The following FBF1 variants were observed in gnomAD, a reference collection of about 807,000 sequenced individuals.
The protein encoded by FBF1 is fas-binding factor 1.
FBF1 carries 119 observed loss-of-function variants against 147.2 expected under a neutral mutation model. That is an observed-to-expected ratio of 0.81 (90% CI 0.70 to 0.94). The LOEUF is 0.94. Ranked by LOEUF, FBF1 falls within the 40% of genes least tolerant of loss-of-function variation. The probability of loss-of-function intolerance (pLI) is 0.00; values close to 1 mark genes in which losing one functional copy is unlikely to be tolerated. For missense variants in FBF1, 1,449 were observed against 1,500.8 expected, an observed-to-expected ratio of 0.97 and a Z score of 0.57; for synonymous variants, 601 against 609.0, an observed-to-expected ratio of 0.99 and a Z score of 0.19.
intron 2 of FBF1, 109 bp from the exon 3 acceptor site, chr17:75,937,702 G>T (rs1000678859): frequency 5.4e-5 from 58 of 1,079,858 alleles, no homozygotes; most frequent in Non-Finnish European, 7.9e-5. Context: ...CCAGAGGCAA[G>T]AGCACCAATG....
Position 75,923,746 on chromosome 17 carries a change from C to T in FBF1, c.969-105G>A, listed in dbSNP as rs2065543837. 2.6e-6 allele frequency: 3 copies of T among 1,164,262 alleles called. No individual in the cohort carries two copies. The highest frequency in any genetic ancestry group is 3.6e-6 in the Non-Finnish European group (3 of 844,628). The allele number at this position is 1,164,262 out of a possible 1,614,324, so 72.1% of individuals were successfully genotyped here. A position where few individuals can be genotyped will look rare whatever the true frequency, so the allele number is the denominator to read the frequency against. On this transcript the variant is annotated intron_variant, in intron 13 of 29. Transcript: ENST00000636174. This position sits in a 1 kb window ranked among gnomAD's most constrained non-coding sequence, Gnocchi z 4.1. Reference sequence around the variant, plus strand: ...ACGATGCCCAGGGACCCTGCACAGTCAGCTGAGGCCCAGTGAGCAGTGGCT... The same window carrying T: ...ACGATGCCCAGGGACCCTGCACAGTTAGCTGAGGCCCAGTGAGCAGTGGCT...
chr17:75,920,050 G>T lies in FBF1; in HGVS notation c.1888C>A (p.Gln630Lys). Residue 630 changes from glutamine (Q) to lysine (K), a missense_variant, in exon 19 of 30, where the codon CAG (glutamine) becomes AAG (lysine). Physicochemically the swap from Gln to Lys is moderately conservative, Grantham distance 53 (BLOSUM62 1). Coordinates refer to ENST00000636174, the MANE Select transcript of FBF1 (RefSeq NM_001319193.2). ...AGCTCCAGGTCTGCCTGGTGCTGCTGCTGCAGACTCCCCAGCAGCAGCTCA... is the reference window on the plus strand; with the variant it reads ...AGCTCCAGGTCTGCCTGGTGCTGCTTCTGCAGACTCCCCAGCAGCAGCTCA... Reference protein sequence around the residue: ...QHELLLGSLQQQHQADLELIE... With the variant: ...QHELLLGSLQKQHQADLELIE... 6.2e-7 allele frequency: 1 copy of T among 1,601,816 alleles called. No homozygotes were observed. Among genetic ancestry groups the T allele is most frequent in the East Asian group, 2.3e-5 (1 of 44,162 alleles).
At chr17:75,931,932 T>C (rs2065596992) in intron 5 of FBF1, among the ~76,000 whole-genome samples, 1 of 152,194 alleles carries the variant, frequency 6.6e-6, no homozygotes, top group Admixed American at 6.5e-5. Context: ...ATCACTGATC[T>C]AGGCCAATCC....
rs573986983 is a variant in FBF1 at position 75,914,803 on chromosome 17, C to T, written c.2758G>A (p.Glu920Lys). 4 of 1,572,146 alleles carry T rather than the reference C, an allele frequency of 2.5e-6. No individual in the cohort carries two copies. Among genetic ancestry groups the T allele is most frequent in the African/African-American group, 2.7e-5 (2 of 73,826 alleles). Reference sequence around the variant, plus strand: ...TGGGTGTCCACCTGCAATGCCCGCTCGGCCTCGCGCTCGGCCCGCTCCTTA... The same window carrying T: ...TGGGTGTCCACCTGCAATGCCCGCTTGGCCTCGCGCTCGGCCCGCTCCTTA... ...LSKERAEREA[E>K]RALQVDTQRE... Residue 920 changes from glutamate (E) to lysine (K), a missense_variant, in exon 25 of 30, where the codon GAG becomes AAG. By Grantham distance (56) the Glu-to-Lys change is moderately conservative (BLOSUM62 1). Coordinates refer to ENST00000636174, the MANE Select transcript of FBF1 (RefSeq NM_001319193.2).
Position 75,913,802 on chromosome 17 carries a change from G to A in FBF1, c.3147C>T (p.Ala1049=), listed in dbSNP as rs749678765. Residue 1049 remains alanine (A), a synonymous_variant, in exon 28 of 30, where the codon GCC becomes GCT. Transcript: ENST00000636174. The part of the protein sequence containing the change: ...QHMHQEHLSL[A]QQRLQLDRAR... ...CGCGGTCCAGTTGCAGCCTCTGCTG[G>A]GCCAGACTCAGATGCTCCTGTCCCC... is the stretch of plus-strand genomic sequence containing the variant. 3.1e-6 allele frequency: 5 copies of A among 1,604,980 alleles called. No homozygotes were observed. In the Admixed American group the frequency reaches 8.4e-5, roughly 27 times the overall value.
rs755287020 is a variant in FBF1 at position 75,928,989 on chromosome 17, C to CT, written c.280-797dup. 4.4e-3 allele frequency among the ~76,000 whole-genome samples: 601 copies of CT among 136,070 alleles called. 8 individuals carry two copies. Among genetic ancestry groups the CT allele is most frequent in the African/African-American group, 0.011 (415 of 36,984 alleles). 89.3% of individuals were successfully genotyped at this position (136,070 alleles called of 152,430 possible). ...TACAGGAGTAAGCCACCATGCCAGACTTTTTTTTTTTTTTTGAAGACAGAG... is the reference window on the plus strand; with the variant it reads ...TACAGGAGTAAGCCACCATGCCAGACTTTTTTTTTTTTTTTTGAAGACAGAG... On this transcript the variant is annotated intron_variant, in intron 7 of 29. Transcript: ENST00000636174. The surrounding 1 kb of genome is among the most constrained non-coding windows in gnomAD (Gnocchi z 4.2).
Position 75,937,608 on chromosome 17 carries a change from A to T in FBF1, c.4-15T>A. The T allele has an allele frequency of 6.2e-7, 1 of 1,613,928 alleles. No homozygotes were observed. ...GTTTTTGGTGCCTAAAATGGGAAAA[A>T]CAAATCACATCAAGAAAACCAAACA... On this transcript the variant is annotated splice_polypyrimidine_tract_variant and intron_variant, in intron 2 of 29. Transcript: ENST00000636174.
In FBF1 at chr17:75,910,467, A is replaced by G. The variant is rs1039382513; in HGVS notation, c.*256T>C. 4.1e-6 allele frequency: 2 copies of G among 487,610 alleles called. No homozygotes were observed. The highest frequency in any genetic ancestry group is 7.4e-6 in the Non-Finnish European group (2 of 270,650). 30.2% of individuals were successfully genotyped at this position (487,610 alleles called of 1,614,324 possible). ...CCTTGCTGCCAACTCAGACCCTCAG[A>G]TCCAAGCCAATGGCTTTGGGGCAGG... On this transcript the variant is annotated 3_prime_UTR_variant, in exon 30 of 30. Coordinates refer to ENST00000636174, the MANE Select transcript of FBF1 (RefSeq NM_001319193.2). This position sits in a 1 kb window ranked among gnomAD's most constrained non-coding sequence, Gnocchi z 4.1.
At chr17:75,927,764 T>C (rs2065571030) in intron 8 of FBF1, among the ~76,000 whole-genome samples, 1 of 152,118 alleles carries the variant, frequency 6.6e-6, no homozygotes, top group South Asian at 2.1e-4. Flanking sequence ...TCCAGAGACA[T>C]GGGTTCAGGA....
In FBF1 at chr17:75,920,516, G is replaced by A. The variant is rs998580815; in HGVS notation, c.1675-87C>T. On this transcript the variant is annotated intron_variant, in intron 17 of 29. Coordinates refer to ENST00000636174, the MANE Select transcript of FBF1 (RefSeq NM_001319193.2). ...GCTACCTCCTGGCCCACTGCTCACT[G>A]GACCTCCCTGCATCTGATCTGTGGC... 15 of 1,367,828 alleles carry A rather than the reference G, an allele frequency of 1.1e-5. No homozygotes were observed. In the African/African-American group the frequency reaches 1.7e-4, roughly 16 times the overall value. 84.7% of individuals were successfully genotyped at this position (1,367,828 alleles called of 1,614,324 possible).
chr17:75,926,290 G>A lies in FBF1; in HGVS notation c.732C>T (p.Asp244=). Reference sequence around the variant, plus strand: ...CTGGCCTACTCAGGGATCCTTACTGGTCTCCTATCTGCCTCTTCTCTGCTT... The same window carrying A: ...CTGGCCTACTCAGGGATCCTTACTGATCTCCTATCTGCCTCTTCTCTGCTT... The part of the protein sequence containing the change: ...SPKAEKRQIG[D]QEGPRPARST... The change falls in exon 11 of 30, where the codon GAC becomes GAT. Residue 244 remains aspartate, a splice_region_variant and synonymous_variant. Transcript: ENST00000636174. 5.6e-6 allele frequency: 9 copies of A among 1,613,204 alleles called. No homozygotes were observed. Among genetic ancestry groups the A allele is most frequent in the Non-Finnish European group, 7.6e-6 (9 of 1,179,676 alleles).
In FBF1 at chr17:75,926,282, C is replaced by T; in HGVS notation, c.734+6G>A. ...GCAGCAGCCTGGCCTACTCAGGGAT[C>T]CTTACTGGTCTCCTATCTGCCTCTT... On this transcript the variant is annotated splice_donor_region_variant and intron_variant, in intron 11 of 29. Coordinates refer to ENST00000636174, the MANE Select transcript of FBF1 (RefSeq NM_001319193.2). 6.2e-7 allele frequency: 1 copy of T among 1,612,870 alleles called. No individual in the cohort carries two copies. Among genetic ancestry groups the T allele is most frequent in the South Asian group, 1.1e-5 (1 of 90,848 alleles).
rs2065542521 is a variant in FBF1, at chr17:75,923,600, G to C, written c.1010C>G (p.Pro337Arg). 2 of 1,610,392 alleles carry C rather than the reference G, an allele frequency of 1.2e-6. No homozygotes were observed. Among genetic ancestry groups the C allele is most frequent in the Admixed American group, 3.4e-5 (2 of 59,654 alleles). Reference protein sequence around the residue: ...ADSGADPKGEPGSKQSPPMAS... With the variant: ...ADSGADPKGERGSKQSPPMAS... ...CATTGGAGGGCTCTGTTTGGAGCCT[G>C]GTTCTCCCTTGGGGTCTGCGCCACT... is the stretch of plus-strand genomic sequence containing the variant. The change falls in exon 14 of 30, where the codon CCA (proline) becomes CGA (arginine). Residue 337 changes from proline (P) to arginine (R), a missense_variant. Pro to Arg is a moderately radical substitution (Grantham distance 103). Coordinates refer to ENST00000636174, the MANE Select transcript of FBF1 (RefSeq NM_001319193.2). The surrounding 1 kb of genome is among the most constrained non-coding windows in gnomAD (Gnocchi z 4.1).
At chr17:75,929,856 T>C (rs945043490) in intron 7 of FBF1, 141 bp downstream of exon 7, 1 of 751,508 alleles carries the variant, frequency 1.3e-6, no homozygotes, top group Non-Finnish European at 2.2e-6. Context: ...CACAGACGAG[T>C]TCCATGCTTG....
intron 7 of FBF1, among the ~76,000 whole-genome samples, chr17:75,929,586 G>A (rs553560652): frequency 3.3e-5 from 5 of 152,158 alleles, no homozygotes; most frequent in South Asian, 2.1e-4. Context: ...AAAGATTGGC[G>A]CTGGGCTTGA....
intron 3 of FBF1, among the ~76,000 whole-genome samples, 175 bp downstream of exon 3, chr17:75,937,391 C>T (rs541186890): frequency 2.4e-4 from 37 of 152,148 alleles, no homozygotes; most frequent in African/African-American, 7.5e-4. Flanking sequence ...AGGATGGTCT[C>T]GATCTCCTGA....
rs2144183390 is a variant in FBF1, at chr17:75,928,210, G to A, written c.280-17C>T. 1 of 1,606,630 alleles carries A rather than the reference G, an allele frequency of 6.2e-7. No individual in the cohort carries two copies. On this transcript the variant is annotated splice_polypyrimidine_tract_variant and intron_variant, in intron 7 of 29. Transcript: ENST00000636174. The surrounding 1 kb of genome is among the most constrained non-coding windows in gnomAD (Gnocchi z 4.2). ...GTCCAGGTCCTAGAAAACCAGGGAG[G>A]GAGGGCAGAGGACTATGTCTGATAA...
rs765733679 is a variant in FBF1, at chr17:75,917,831, G to T, written c.2406C>A (p.Gly802=). 1 of 1,603,358 alleles carries T rather than the reference G, an allele frequency of 6.2e-7. No homozygotes were observed. Among genetic ancestry groups the T allele is most frequent in the Admixed American group, 1.7e-5 (1 of 58,604 alleles). The part of the protein sequence containing the change: ...EQLRALQERL[G]QQQRDMEEER... ...CCTCCTCCATGTCCCGCTGCTGCTGGCCCAGCCGCTCCTGCAGTGCTGGGG... is the reference window on the plus strand; with the variant it reads ...CCTCCTCCATGTCCCGCTGCTGCTGTCCCAGCCGCTCCTGCAGTGCTGGGG... The change falls in exon 23 of 30, where the codon GGC becomes GGA. Residue 802 remains glycine (G), a synonymous_variant. Coordinates refer to ENST00000636174, the MANE Select transcript of FBF1 (RefSeq NM_001319193.2).
chr17:75,929,041 A>T (rs2065578935), intron 7 of FBF1, among the ~76,000 whole-genome samples: 3 of 149,896 alleles, frequency 2.0e-5, no homozygotes, highest in South Asian at 4.2e-4. Flanking sequence ...CCCAGGCTGT[A>T]GTGCAGTGGT....
Sources: gnomAD v4.1 joint callset for allele counts (sites outside exome capture counted in the v4.1 genomes callset) on GRCh38, gnomAD v4.1.1 for gene constraint, Gnocchi (gnomAD v3.1) non-coding constraint, MANE v1.5 for transcripts, NCBI Gene and HGNC (gene_info 2026-07-23, HGNC 2026-07-21) for gene names.